The following CEP15 variants were observed in gnomAD, a reference collection of about 807,000 sequenced individuals.
CEP15 encodes centrosomal protein 15, also known as centrosomal protein 15 kDa.
At chr3:62,320,496 A>T in the CEP15 span, 1 of 1,612,366 alleles carries the variant, frequency 6.2e-7, no homozygotes, top group Non-Finnish European at 8.5e-7. Context: ...TGCTCAAGAA[A>T]TTCGCCTTTC....
chr3:62,329,995 A>C, the CEP15 span, among the ~76,000 whole-genome samples: 1 of 152,178 alleles, frequency 6.6e-6, no homozygotes, highest in African/African-American at 2.4e-5. Context: ...CAGGCATCTT[A>C]GCTATTAACT....
At chr3:62,328,191 C>A in the CEP15 span, among the ~76,000 whole-genome samples, 1 of 152,172 alleles carries the variant, frequency 6.6e-6, no homozygotes, top group Non-Finnish European at 1.5e-5. Context: ...GAGCTCATAA[C>A]AGTATCTCCA....
At chr3:62,328,593 CAA>C in the CEP15 span, among the ~76,000 whole-genome samples, 324 of 152,266 alleles carry the variant, frequency 2.1e-3, 3 homozygotes, top group African/African-American at 7.5e-3. Context: ...GACAAAGAAA[CAA>C]AGTATAGTCA....
At chr3:62,321,931 G>A in the CEP15 span, 3 of 1,582,606 alleles carry the variant, frequency 1.9e-6, no homozygotes, top group East Asian at 4.5e-5. The surrounding 1 kb of genome is among the most constrained non-coding windows in gnomAD (Gnocchi z 4.1). Flanking sequence ...TTTTTCTAGA[G>A]TATCACAAAG....
chr3:62,323,872 AT>A, the CEP15 span: 4 of 152,302 alleles, frequency 2.6e-5, no homozygotes, highest in Admixed American at 2.6e-4. Context: ...AAATTAATAC[AT>A]TTTTGTATAT....
At chr3:62,321,980 A>G in the CEP15 span, 1 of 1,609,054 alleles carries the variant, frequency 6.2e-7, no homozygotes, top group African/African-American at 1.3e-5. The surrounding 1 kb of genome is among the most constrained non-coding windows in gnomAD (Gnocchi z 4.1). Context: ...AAATTGGGTG[A>G]TCAACACACA....
At chr3:62,331,913 T>TA in the CEP15 span, among the ~76,000 whole-genome samples, 1 of 152,156 alleles carries the variant, frequency 6.6e-6, no homozygotes, top group South Asian at 2.1e-4. Context: ...TATATGAATA[T>TA]GTTTGTGATG....
chr3:62,324,301 G>A, the CEP15 span, among the ~76,000 whole-genome samples: 1 of 152,016 alleles, frequency 6.6e-6, no homozygotes, highest in Admixed American at 6.6e-5. Flanking sequence ...GCTGTGGCAG[G>A]AAGTTCCCTT....
the CEP15 span, among the ~76,000 whole-genome samples, chr3:62,327,871 C>T: frequency 3.3e-5 from 5 of 152,132 alleles, no homozygotes; most frequent in Non-Finnish European, 7.4e-5. Context: ...TGCAATGTTT[C>T]GATCCCTTGC....
chr3:62,320,248 G>T, the CEP15 span, among the ~76,000 whole-genome samples: 5 of 152,102 alleles, frequency 3.3e-5, no homozygotes, highest in African/African-American at 1.2e-4. Context: ...AAATATGTTG[G>T]GTTTACCTAA....
the CEP15 span, among the ~76,000 whole-genome samples, chr3:62,323,041 A>G: frequency 6.6e-6 from 1 of 152,200 alleles, no homozygotes; most frequent in African/African-American, 2.4e-5. Flanking sequence ...GAAAAGTTAG[A>G]AAAACTAAAT....
the CEP15 span, among the ~76,000 whole-genome samples, chr3:62,332,930 A>C: frequency 1.3e-5 from 2 of 152,254 alleles, no homozygotes; most frequent in South Asian, 4.1e-4. Flanking sequence ...TAATGATTAT[A>C]TCACCATAAA....
chr3:62,319,637 A>T, the CEP15 span: 1 of 152,226 alleles, frequency 6.6e-6, no homozygotes, highest in Non-Finnish European at 1.5e-5. Flanking sequence ...GACAATCTTT[A>T]TAGAGTGCAT....
At chr3:62,328,202 A>G in the CEP15 span, among the ~76,000 whole-genome samples, 1 of 152,212 alleles carries the variant, frequency 6.6e-6, no homozygotes, top group Non-Finnish European at 1.5e-5. Flanking sequence ...AGTATCTCCA[A>G]TTCAATTGCA....
the CEP15 span, chr3:62,321,793 C>T: frequency 6.6e-6 from 4 of 607,088 alleles, no homozygotes; most frequent in African/African-American, 1.9e-5. This position sits in a 1 kb window ranked among gnomAD's most constrained non-coding sequence, Gnocchi z 4.1. Flanking sequence ...TCTTATTAGT[C>T]GACATAGTAA....
chr3:62,334,987 G>A, the CEP15 span: 1 of 151,808 alleles, frequency 6.6e-6, no homozygotes, highest in East Asian at 1.9e-4. The surrounding 1 kb of genome is among the most constrained non-coding windows in gnomAD (Gnocchi z 4.9). Context: ...ATGAAGCAAT[G>A]TGAAACTTAC....
the CEP15 span, chr3:62,322,147 T>C: frequency 7.6e-7 from 1 of 1,308,362 alleles, no homozygotes; most frequent in Non-Finnish European, 1.1e-6. This position sits in a 1 kb window ranked among gnomAD's most constrained non-coding sequence, Gnocchi z 5.5. Context: ...AACTTATTGG[T>C]TCTCAGTAAT....
the CEP15 span, among the ~76,000 whole-genome samples, chr3:62,330,719 T>G: frequency 0.091 from 13,782 of 152,150 alleles, 773 homozygotes; most frequent in East Asian, 0.28. Context: ...AAGCTAGTAC[T>G]AAAAAAATCT....
the CEP15 span, chr3:62,322,174 G>A: frequency 9.8e-7 from 1 of 1,022,236 alleles, no homozygotes; most frequent in Non-Finnish European, 1.4e-6. The surrounding 1 kb of genome is among the most constrained non-coding windows in gnomAD (Gnocchi z 5.5). Flanking sequence ...AATTACTAAA[G>A]CAGCATCTTT....
Sources: gnomAD v4.1 joint callset for allele counts (sites outside exome capture counted in the v4.1 genomes callset) on GRCh38, gnomAD v4.1.1 for gene constraint, Gnocchi (gnomAD v3.1) non-coding constraint, MANE v1.5 for transcripts, NCBI Gene and HGNC (gene_info 2026-07-23, HGNC 2026-07-21) for gene names.